The following AMOTL1 variants were observed in gnomAD, a reference collection of about 807,000 sequenced individuals.
The protein encoded by AMOTL1 is angiomotin like 1.
AMOTL1 carries 45 observed loss-of-function variants against 102.9 expected under a neutral mutation model. The observed-to-expected ratio is 0.44, with a 90% CI of 0.34 to 0.56. The LOEUF is 0.56. AMOTL1 is among the 20% of genes least tolerant of loss of function. AMOTL1 has a pLI of 0.01. For missense variants in AMOTL1, 1,114 were observed against 1,225.6 expected, an observed-to-expected ratio of 0.91 and a Z score of 1.36; for synonymous variants, 481 against 484.7, an observed-to-expected ratio of 0.99 and a Z score of 0.10.
intron 1 of AMOTL1, among the ~76,000 whole-genome samples, chr11:94,783,358 A>T (rs1951138202): frequency 6.6e-6 from 1 of 152,142 alleles, no homozygotes; most frequent in South Asian, 2.1e-4. Context: ...CCTGTAGTTG[A>T]TTTGTCCCTA....
At chr11:94,752,434 G>T (rs1248234957) in intron 3 of AMOTL1, among the ~76,000 whole-genome samples, 1 of 152,214 alleles carries the variant, frequency 6.6e-6, no homozygotes, top group Non-Finnish European at 1.5e-5. Context: ...GGGAAAACAT[G>T]TTCAGGGATG....
At chr11:94,777,078 T>A (rs1951035880) in intron 1 of AMOTL1, among the ~76,000 whole-genome samples, 1 of 152,224 alleles carries the variant, frequency 6.6e-6, no homozygotes, top group African/African-American at 2.4e-5. Context: ...AGAAATGGTC[T>A]AATGGTCTTT....
At chr11:94,755,481 A>C (rs1950711373) in intron 3 of AMOTL1, among the ~76,000 whole-genome samples, 1 of 152,114 alleles carries the variant, frequency 6.6e-6, no homozygotes, top group African/African-American at 2.4e-5. Flanking sequence ...TTCCTGAGAA[A>C]ACCTGGTCTA....
intron 6 of AMOTL1, among the ~76,000 whole-genome samples, chr11:94,840,658 A>G (rs912036854): frequency 3.6e-5 from 4 of 111,134 alleles, no homozygotes; most frequent in African/African-American, 7.2e-5. Flanking sequence ...AAAAACGTAT[A>G]TATATATATA....
intron 1 of AMOTL1, among the ~76,000 whole-genome samples, chr11:94,724,988 G>A (rs2068908): frequency 0.23 from 35,556 of 152,076 alleles, 5,171 homozygotes; most frequent in Middle Eastern, 0.32. Flanking sequence ...AGGCAATTAA[G>A]GCATAGTCAA....
chr11:94,812,343 G>A (rs953672407), intron 3 of AMOTL1, among the ~76,000 whole-genome samples: 1 of 152,180 alleles, frequency 6.6e-6, no homozygotes, highest in Non-Finnish European at 1.5e-5. Context: ...CTTGAGGTGG[G>A]GGAGGGGGCT....
chr11:94,835,091 C>T (rs919977351), intron 6 of AMOTL1, among the ~76,000 whole-genome samples: 11 of 152,130 alleles, frequency 7.2e-5, no homozygotes, highest in Admixed American at 7.2e-4. Flanking sequence ...ATTTTTTTCC[C>T]CTGTCACTTC....
chr11:94,864,448 G>A lies in AMOTL1; in HGVS notation c.2136-287G>A, dbSNP rs563866114. ...TTCTATCTAGTTAAGGAAGAGAATTGGACAGAATTCAGGAGAGGAAAAGTG... is the reference window on the plus strand; with the variant it reads ...TTCTATCTAGTTAAGGAAGAGAATTAGACAGAATTCAGGAGAGGAAAAGTG... On this transcript the variant is annotated intron_variant, in intron 9 of 12. Transcript: ENST00000433060. Among the ~76,000 whole-genome samples, 43 of 152,042 alleles carry A rather than the reference G, an allele frequency of 2.8e-4. 1 individual carries two copies. The highest frequency in any genetic ancestry group is 5.9e-5 in the Non-Finnish European group (4 of 67,994).
rs190245428 is a variant in AMOTL1, at chr11:94,759,797, A to G, written c.136+18809A>G. ...GAGACACTCCATATGTGCCAGTTCAACATAGAAAACTGGATTATGATCTTT... is the reference window on the plus strand; with the variant it reads ...GAGACACTCCATATGTGCCAGTTCAGCATAGAAAACTGGATTATGATCTTT... On this transcript the variant is annotated intron_variant, in intron 3 of 4. Coordinates refer to the AMOTL1 transcript ENST00000299004. Among the ~76,000 whole-genome samples the G allele has an allele frequency of 2.6e-5, 4 of 152,362 alleles. No individual in the cohort carries two copies. In the East Asian group the frequency reaches 7.7e-4, roughly 29 times the overall value.
At chr11:94,706,553 G>T (rs374891436) in exon 1 of AMOTL1, 5 of 152,286 alleles carry the variant, frequency 3.3e-5, no homozygotes, top group African/African-American at 1.2e-4. Flanking sequence ...ACTTCTGTTA[G>T]AACTTAGTAT....
At chr11:94,760,507 A>G (rs1464807914) in intron 3 of AMOTL1, among the ~76,000 whole-genome samples, 3 of 152,196 alleles carry the variant, frequency 2.0e-5, no homozygotes, top group Non-Finnish European at 4.4e-5. Context: ...TTCTGCCACA[A>G]GATCTTTGCA....
intron 3 of AMOTL1, among the ~76,000 whole-genome samples, chr11:94,812,134 A>C (rs1951693584): frequency 1.3e-5 from 2 of 152,220 alleles, no homozygotes; most frequent in African/African-American, 4.8e-5. Context: ...AAGGTATCTT[A>C]AGCTGCTACG....
intron 1 of AMOTL1, among the ~76,000 whole-genome samples, chr11:94,775,280 T>G (rs1951010722): frequency 6.6e-6 from 1 of 152,214 alleles, no homozygotes; most frequent in African/African-American, 2.4e-5. Context: ...ATGGACATAC[T>G]CAGGGACATC....
chr11:94,869,144 T>TAA (rs879037154), intron 11 of AMOTL1, 54 bp from the exon 12 acceptor site: 68 of 1,236,992 alleles, frequency 5.5e-5, no homozygotes, highest in Admixed American at 1.6e-4. Flanking sequence ...AGACTAGATT[T>TAA]AAAAAAAAAA....
At chr11:94,715,335 G>T (rs1212615550) in intron 1 of AMOTL1, among the ~76,000 whole-genome samples, 2 of 152,154 alleles carry the variant, frequency 1.3e-5, no homozygotes, top group African/African-American at 4.8e-5. Flanking sequence ...CCCAGCTAAT[G>T]CTATTATTTT....
intron 3 of AMOTL1, among the ~76,000 whole-genome samples, chr11:94,800,913 T>C (rs1951465457): frequency 6.6e-6 from 1 of 152,220 alleles, no homozygotes; most frequent in African/African-American, 2.4e-5. Context: ...TTCACTTGTA[T>C]TCTTCCAGTT....
At chr11:94,765,779 C>A (rs547650019), upstream of AMOTL1, among the ~76,000 whole-genome samples, 1 of 152,202 alleles carries the variant, frequency 6.6e-6, no homozygotes, top group African/African-American at 2.4e-5. Flanking sequence ...TCTCCAGATT[C>A]TTCCTCTTCT....
At chr11:94,715,805 T>G (rs1376651146) in intron 1 of AMOTL1, among the ~76,000 whole-genome samples, 1 of 152,142 alleles carries the variant, frequency 6.6e-6, no homozygotes, top group Non-Finnish European at 1.5e-5. Flanking sequence ...GTTTCAGTTT[T>G]CAGAAGTTTA....
intron 1 of AMOTL1, among the ~76,000 whole-genome samples, chr11:94,719,751 A>T (rs1384690425): frequency 6.6e-6 from 1 of 152,140 alleles, no homozygotes; most frequent in Non-Finnish European, 1.5e-5. Context: ...TTTAAAAAAA[A>T]TAAGTACGCT....
Sources: allele counts gnomAD v4.1 joint callset (sites outside exome capture counted in the v4.1 genomes callset), GRCh38; gene constraint gnomAD v4.1.1; transcripts MANE v1.5; gene names NCBI Gene and HGNC (gene_info 2026-07-23, HGNC 2026-07-21).